The following SORCS2 variants were observed in gnomAD, a reference collection of about 807,000 sequenced individuals.
SORCS2 encodes VPS10 domain-containing receptor SorCS2.
In SORCS2, 100 loss-of-function variants were observed where a neutral mutation model predicts 141.6. That is an observed-to-expected ratio of 0.71 (90% confidence interval 0.60 to 0.83). SORCS2 has a LOEUF of 0.83. Ranked by LOEUF, SORCS2 falls within the 40% of genes least tolerant of loss-of-function variation. The pLI is 0.00. For missense variants in SORCS2, 1,646 were observed against 1,560.2 expected (o/e 1.05, Z -0.93); for synonymous variants, 789 against 676.9 (o/e 1.17, Z -2.57).
At chr4:7,616,602 G>A (rs907096399) in intron 3 of SORCS2, among the ~76,000 whole-genome samples, 2 of 152,198 alleles carry the variant, frequency 1.3e-5, no homozygotes, top group African/African-American at 4.8e-5. Context: ...ATCTCTGTGG[G>A]TTGGTTGGGT....
At chr4:7,583,130 C>T (rs1716271359) in intron 3 of SORCS2, among the ~76,000 whole-genome samples, 1 of 152,298 alleles carries the variant, frequency 6.6e-6, no homozygotes, top group South Asian at 2.1e-4. Flanking sequence ...ACAGCAGCCA[C>T]CTCTGTGGGA....
At chr4:7,407,362 G>C (rs562053843) in intron 2 of SORCS2, among the ~76,000 whole-genome samples, 1 of 152,152 alleles carries the variant, frequency 6.6e-6, no homozygotes, top group East Asian at 1.9e-4. Flanking sequence ...TGGGAGATTC[G>C]TGTTGAGGGC....
chr4:7,543,292 T>C (rs1452393642), intron 3 of SORCS2, among the ~76,000 whole-genome samples: 1 of 152,126 alleles, frequency 6.6e-6, no homozygotes, highest in Non-Finnish European at 1.5e-5. Context: ...TCCGTTCATC[T>C]GTTGACTCAT....
At position 7,727,434 on chromosome 4, in the gene SORCS2, C is replaced by T. The variant is rs972524135; in HGVS notation, c.2869+531C>T. Among the ~76,000 whole-genome samples the T allele has an allele frequency of 1.2e-4, 19 of 152,212 alleles. No homozygotes were observed. In the East Asian group the frequency reaches 2.1e-3, roughly 17 times the overall value. On this transcript the variant is annotated intron_variant, in intron 21 of 26. Transcript: ENST00000507866. ...GTCCTAAGACTGAAGGAGACCCCCC[C>T]CCCCCTTGTCAAGGAGGCAGAGCTC...
chr4:7,423,401 G>T (rs993950870), intron 2 of SORCS2, among the ~76,000 whole-genome samples: 6 of 152,200 alleles, frequency 3.9e-5, no homozygotes, highest in African/African-American at 1.4e-4. Flanking sequence ...CTCCTGTGGT[G>T]TGGAAAGCAG....
intron 2 of SORCS2, among the ~76,000 whole-genome samples, chr4:7,452,990 CCGTGTTGGGGT>C (rs1481564800): frequency 1.2e-5 from 1 of 81,796 alleles, no homozygotes; most frequent in Admixed American, 1.8e-4. Context: ...GGGTCAGGCT[CCGTGTTGGGGT>C]CAGGCGCCGT....
rs914297272 is a variant in SORCS2 at position 7,664,913 on chromosome 4, C to G, written c.1071+442C>G. Among the ~76,000 whole-genome samples the G allele has an allele frequency of 6.6e-6, 1 of 152,180 alleles. No homozygotes were observed. Among genetic ancestry groups the G allele is most frequent in the Non-Finnish European group, 1.5e-5 (1 of 68,020 alleles). The stretch of plus-strand genomic sequence containing the variant: ...GGCCCACCCTCAGCAGCCATGTGGT[C>G]CCAGCTAATTCAGAAACTCTAGCAC... On this transcript the variant is annotated intron_variant, in intron 7 of 26. Coordinates refer to ENST00000507866, the MANE Select transcript of SORCS2 (RefSeq NM_020777.3). This position sits in a 1 kb window ranked among gnomAD's most constrained non-coding sequence, Gnocchi z 4.7.
chr4:7,316,212 T>TTCCACCCA (rs1718539509), intron 1 of SORCS2, among the ~76,000 whole-genome samples: 1 of 150,516 alleles, frequency 6.6e-6, no homozygotes, highest in African/African-American at 2.5e-5. Flanking sequence ...CTAGCTTTCC[T>TTCCACCCA]TCCATCCATC....
intron 2 of SORCS2, among the ~76,000 whole-genome samples, chr4:7,461,288 G>A (rs1729292208): frequency 6.6e-6 from 1 of 152,222 alleles, no homozygotes; most frequent in Non-Finnish European, 1.5e-5. Context: ...GGCGTCTGCA[G>A]CCCCTGGAGC....
chr4:7,600,614 T>C (rs899050630), intron 3 of SORCS2, among the ~76,000 whole-genome samples: 1 of 150,768 alleles, frequency 6.6e-6, no homozygotes, highest in African/African-American at 2.4e-5. Flanking sequence ...GTAGAGGGAA[T>C]TCCTAGCCTG....
At chr4:7,264,658 G>A (rs1027077322) in intron 1 of SORCS2, among the ~76,000 whole-genome samples, 12 of 152,302 alleles carry the variant, frequency 7.9e-5, no homozygotes, top group African/African-American at 1.9e-4. Flanking sequence ...GAAACTAGGC[G>A]GAGCTCTTGC....
chr4:7,479,777 T>C (rs937712826), intron 2 of SORCS2, among the ~76,000 whole-genome samples: 5 of 152,250 alleles, frequency 3.3e-5, no homozygotes, highest in African/African-American at 1.2e-4. Context: ...CAAATGAATG[T>C]GAATGTGAAT....
At chr4:7,705,167 G>A (rs535562373) in intron 14 of SORCS2, among the ~76,000 whole-genome samples, 1 of 152,162 alleles carries the variant, frequency 6.6e-6, no homozygotes, top group African/African-American at 2.4e-5. Flanking sequence ...ACAGGCCTTG[G>A]GGGAGGAGGC....
intron 1 of SORCS2, among the ~76,000 whole-genome samples, chr4:7,375,894 C>G (rs941980217): frequency 6.6e-6 from 1 of 152,128 alleles, no homozygotes; most frequent in Admixed American, 6.5e-5. Flanking sequence ...GCTTGTTATT[C>G]GTGCGCAGGT....
intron 2 of SORCS2, among the ~76,000 whole-genome samples, chr4:7,449,632 A>G (rs1728314562): frequency 6.6e-6 from 1 of 151,594 alleles, no homozygotes; most frequent in East Asian, 2.0e-4. Context: ...TTGTTCATGG[A>G]TTCACGTTGG....
At chr4:7,719,390 C>T (rs1726421668) in intron 18 of SORCS2, among the ~76,000 whole-genome samples, 1 of 152,244 alleles carries the variant, frequency 6.6e-6, no homozygotes. Context: ...TCTTGCCAAC[C>T]TGCTTTATAG....
chr4:7,559,825 C>T (rs1435436095), intron 3 of SORCS2, among the ~76,000 whole-genome samples: 1 of 152,254 alleles, frequency 6.6e-6, no homozygotes, highest in Non-Finnish European at 1.5e-5. Context: ...CACAGGTGCC[C>T]ACTGACCACT....
chr4:7,317,147 A>G (rs1348562755), intron 1 of SORCS2, among the ~76,000 whole-genome samples: 3 of 152,218 alleles, frequency 2.0e-5, no homozygotes, highest in East Asian at 3.9e-4. Context: ...CAACATTAAT[A>G]AATGGCCATG....
At chr4:7,434,801 C>T (rs929565317) in intron 2 of SORCS2, 1 of 1,609,390 alleles carries the variant, frequency 6.2e-7, no homozygotes. Flanking sequence ...GAGCCCTTTG[C>T]ACACTCCTGG....
Sources: gnomAD v4.1 joint callset for allele counts (sites outside exome capture counted in the v4.1 genomes callset) on GRCh38, gnomAD v4.1.1 for gene constraint, Gnocchi (gnomAD v3.1) non-coding constraint, MANE v1.5 for transcripts, NCBI Gene and HGNC (gene_info 2026-07-23, HGNC 2026-07-21) for gene names.